Variants in BRI3 observed in about 807,000 individuals in gnomAD.
The protein encoded by BRI3 is brain protein I3, also known as membrane protein BRI3.
A neutral mutation model predicts 12.8 loss-of-function variants in BRI3; 6 were observed. That is an observed-to-expected ratio of 0.47 (90% CI 0.26 to 0.93). The LOEUF (loss-of-function observed/expected upper bound fraction) is 0.93, where lower values mean the gene tolerates loss of function less well. Among genes scored for constraint, BRI3 ranks in the 40% least tolerant of loss-of-function variants. The pLI is 0.15. For missense variants in BRI3, 134 were observed against 171.1 expected (o/e 0.78, Z 1.21); for synonymous variants, 91 against 76.1 (o/e 1.20, Z -1.02).
At chr7:98,314,025 G>C (rs1800983929), downstream of BRI3, among the ~76,000 whole-genome samples, 1 of 110,218 alleles carries the variant, frequency 9.1e-6, no homozygotes, top group African/African-American at 3.5e-5. Context: ...TTGCTCTGTT[G>C]CCCAGGCTGA....
intron 2 of BRI3, among the ~76,000 whole-genome samples, chr7:98,289,347 G>A (rs1303824912): frequency 2.0e-5 from 3 of 152,244 alleles, no homozygotes; most frequent in Non-Finnish European, 4.4e-5. Context: ...CAGGTTCTGT[G>A]GGTGGGGTTT....
chr7:98,304,000 A>G (rs1239563258), upstream of BRI3, among the ~76,000 whole-genome samples: 1 of 152,216 alleles, frequency 6.6e-6, no homozygotes, highest in Non-Finnish European at 1.5e-5. Flanking sequence ...GGCTGAAGTC[A>G]AGGAGGTGAA....
chr7:98,287,479 C>T (rs1456865273), intron 2 of BRI3, among the ~76,000 whole-genome samples: 3 of 152,144 alleles, frequency 2.0e-5, no homozygotes, highest in Non-Finnish European at 2.9e-5. Flanking sequence ...TAGGTTTGGC[C>T]CATTGTGCTG....
At chr7:98,310,129 G>T (rs1562968596) in exon 2 of BRI3, 1 of 247,352 alleles carries the variant, frequency 4.0e-6, no homozygotes, top group Non-Finnish European at 7.7e-6. Context: ...GGGATTACAG[G>T]CGTGAGCCAC....
upstream of BRI3, among the ~76,000 whole-genome samples, chr7:98,301,795 G>T (rs554218432): frequency 4.6e-5 from 7 of 152,256 alleles, no homozygotes; most frequent in East Asian, 7.7e-4. Flanking sequence ...AATCTCTCCC[G>T]TGGAGGGGAC....
At chr7:98,304,428 C>T (rs772627248), upstream of BRI3, 2 of 1,578,010 alleles carry the variant, frequency 1.3e-6, no homozygotes. Flanking sequence ...CACCACCAAA[C>T]CCCAAACATC....
At chr7:98,303,734 A>C (rs1022631699), upstream of BRI3, among the ~76,000 whole-genome samples, 33 of 152,160 alleles carry the variant, frequency 2.2e-4, no homozygotes, top group African/African-American at 8.0e-4. Flanking sequence ...GTTAACCCTA[A>C]ACGCCGTGCC....
chr7:98,295,690 T>G (rs1800160679), downstream of BRI3, among the ~76,000 whole-genome samples: 1 of 151,738 alleles, frequency 6.6e-6, no homozygotes, highest in African/African-American at 2.4e-5. Flanking sequence ...CAACACCATC[T>G]CCCTCACATG....
chr7:98,291,675 A>G (rs772783029), downstream of BRI3: 28 of 301,638 alleles, frequency 9.3e-5, no homozygotes, highest in Non-Finnish European at 1.3e-4. Context: ...CTTTATTATT[A>G]AAGTTGTAAT....
exon 2 of BRI3, chr7:98,308,352 A>G (rs1562967859): frequency 4.4e-6 from 2 of 450,472 alleles, no homozygotes; most frequent in Non-Finnish European, 4.5e-6. Flanking sequence ...TGGTCTTGCC[A>G]TGCTGGCCGC....
At chr7:98,294,109 G>A (rs572571991), downstream of BRI3, 41 of 1,614,002 alleles carry the variant, frequency 2.5e-5, no homozygotes, top group South Asian at 2.6e-4. Flanking sequence ...CGTTGGCATC[G>A]TTCTGTGAGA....
At chr7:98,313,365 A>C (rs1158580900), downstream of BRI3, among the ~76,000 whole-genome samples, 3 of 152,110 alleles carry the variant, frequency 2.0e-5, no homozygotes, top group Non-Finnish European at 4.4e-5. Context: ...GTTAAGTCTA[A>C]GAAAGACTCT....
At chr7:98,286,325 A>G (rs6967728) in intron 2 of BRI3, among the ~76,000 whole-genome samples, 122,456 of 151,970 alleles carry the variant, frequency 0.81, 49,403 homozygotes, top group Non-Finnish European at 0.82. Context: ...CCCAGCTCTG[A>G]GTGGATGACA....
At chr7:98,321,793 G>C in the BRI3 span, among the ~76,000 whole-genome samples, 1 of 152,178 alleles carries the variant, frequency 6.6e-6, no homozygotes, top group Non-Finnish European at 1.5e-5. Flanking sequence ...ACAGCTCAGC[G>C]GCCAGATAAA....
downstream of BRI3, among the ~76,000 whole-genome samples, chr7:98,296,661 C>G (rs907673515): frequency 6.6e-6 from 1 of 152,146 alleles, no homozygotes; most frequent in East Asian, 1.9e-4. Flanking sequence ...AAAACAAAAA[C>G]AGAAACAACA....
intron 2 of BRI3, among the ~76,000 whole-genome samples, chr7:98,289,617 G>T (rs901526878): frequency 6.6e-6 from 1 of 152,178 alleles, no homozygotes; most frequent in East Asian, 1.9e-4. Flanking sequence ...ACCCTGTTGT[G>T]TTTTTCTGTC....
chr7:98,318,172 G>A, the BRI3 span, among the ~76,000 whole-genome samples: 1 of 152,182 alleles, frequency 6.6e-6, no homozygotes, highest in Non-Finnish European at 1.5e-5. Context: ...TTGTTCTAAA[G>A]GTTACTGTTT....
At chr7:98,293,962 G>T, downstream of BRI3, 1 of 1,258,962 alleles carries the variant, frequency 7.9e-7, no homozygotes. Flanking sequence ...TCCACAGGCC[G>T]AGGCCTTTCT....
At chr7:98,307,800 G>C (rs1455180678) in exon 2 of BRI3, 2 of 1,614,130 alleles carry the variant, frequency 1.2e-6, no homozygotes, top group Admixed American at 1.7e-5. Context: ...GGAGCCCGCA[G>C]TGTGCGGGAA....
Sources: allele counts gnomAD v4.1 joint callset (sites outside exome capture counted in the v4.1 genomes callset), GRCh38; gene constraint gnomAD v4.1.1; transcripts MANE v1.5; gene names NCBI Gene and HGNC (gene_info 2026-07-23, HGNC 2026-07-21).